The following LAMC1 variants were observed in gnomAD, a reference collection of about 807,000 sequenced individuals.
LAMC1 encodes the protein laminin subunit gamma-1.
LAMC1 carries 38 observed loss-of-function variants against 173.6 expected under a neutral mutation model. That is an observed-to-expected ratio of 0.22 (90% CI 0.17 to 0.29). The LOEUF (loss-of-function observed/expected upper bound fraction) is 0.29. LAMC1 is among the 10% of genes least tolerant of loss of function. LAMC1 has a pLI of 1.00. For synonymous variants in LAMC1, 746 were observed against 749.1 expected (o/e 1.00, Z 0.07); for missense variants, 1,824 against 2,051.8 (o/e 0.89, Z 2.14).
Position 183,115,657 on chromosome 1 carries a change from A to G in LAMC1, c.1328+20A>G. 6.7e-7 allele frequency: 1 copy of G among 1,487,554 alleles called. No individual in the cohort carries two copies. Among genetic ancestry groups the G allele is most frequent in the Non-Finnish European group, 9.4e-7 (1 of 1,064,334 alleles). 92.1% of individuals were successfully genotyped at this position (1,487,554 alleles called of 1,614,324 possible). On this transcript the variant is annotated intron_variant, in intron 6 of 27. Transcript: ENST00000258341. ...ATGCAGGTAAAATATTTTCAAAGCC[A>G]GAAGAAGGGGGCAGAATCTATATAT...
chr1:183,125,272 A>T, intron 14 of LAMC1, 125 bp from the exon 15 acceptor site: 3 of 875,582 alleles, frequency 3.4e-6, no homozygotes, highest in Non-Finnish European at 5.4e-6. Flanking sequence ...AGTGCTCAGT[A>T]GCCACATGTG....
intron 17 of LAMC1, among the ~76,000 whole-genome samples, chr1:183,127,795 G>T (rs553223733): frequency 4.6e-5 from 7 of 152,224 alleles, no homozygotes; most frequent in Admixed American, 2.6e-4. Context: ...GAGTGCAGAG[G>T]GTGTGTTCTG....
At position 183,130,493 on chromosome 1, in the gene LAMC1, T is replaced by C. The variant is rs752707197; in HGVS notation, c.3430T>C (p.Leu1144=). 3.1e-6 allele frequency: 5 copies of C among 1,614,162 alleles called. No individual in the cohort carries two copies. The highest frequency in any genetic ancestry group is 1.6e-4 in the Middle Eastern group (1 of 6,062). Residue 1144 remains leucine, a synonymous_variant, in exon 19 of 28, where the codon TTG becomes CTG. Coordinates refer to ENST00000258341, the MANE Select transcript of LAMC1 (RefSeq NM_002293.4). ...ARAHVENTER[L]IEIASRELEK... is the part of the protein sequence containing the mutation. Reference sequence around the variant, plus strand: ...TGCCCATGTAGAGAACACAGAGCGGTTGATTGAAATCGCATCCAGAGAACT... The same window carrying C: ...TGCCCATGTAGAGAACACAGAGCGGCTGATTGAAATCGCATCCAGAGAACT...
intron 1 of LAMC1, among the ~76,000 whole-genome samples, chr1:183,030,278 G>A (rs563924433): frequency 6.6e-6 from 1 of 152,302 alleles, no homozygotes; most frequent in Non-Finnish European, 1.5e-5. Flanking sequence ...TCATAGCACA[G>A]GTTTGTTGAC....
rs372724598 is a variant in LAMC1, at chr1:183,117,703, C to T, written c.1857C>T (p.Thr619=). 88 of 1,613,770 alleles carry T rather than the reference C, an allele frequency of 5.5e-5. No individual in the cohort carries two copies. The highest frequency in any genetic ancestry group is 7.3e-5 in the Non-Finnish European group (86 of 1,179,886). Residue 619 remains threonine (T), a synonymous_variant, in exon 10 of 28, where the codon ACC becomes ACT. Transcript: ENST00000258341. ...AGGGCAATTCCTATCCAAGTGAGAC[C>T]ACTGTGAAGTATGTCTTCAGGTAAG... ...IAQGNSYPSE[T]TVKYVFRLHE... is the part of the protein sequence containing the mutation.
intron 21 of LAMC1, 50 bp from the exon 22 acceptor site, chr1:183,133,356 A>G: frequency 6.5e-7 from 1 of 1,527,472 alleles, no homozygotes; most frequent in Non-Finnish European, 9.0e-7. Context: ...TAACATTAAG[A>G]TGCTAAAAGC....
Position 183,054,829 on chromosome 1 carries a change from T to G in LAMC1, c.418+30695T>G, listed in dbSNP as rs1043616346. Among the ~76,000 whole-genome samples, 4 of 152,118 alleles carry G rather than the reference T, an allele frequency of 2.6e-5. No individual in the cohort carries two copies. The South Asian group carries it at 8.3e-4, about 32-fold the overall frequency. ...CTAGGACCACAGCCACCTTAGAGCC[T>G]TAGGGGCTTTTCCCACTTGACCCCT... On this transcript the variant is annotated intron_variant, in intron 1 of 27. Coordinates refer to ENST00000258341, the MANE Select transcript of LAMC1 (RefSeq NM_002293.4).
At chr1:183,124,514 C>CT in intron 13 of LAMC1, 117 bp from the exon 14 acceptor site, 2 of 1,297,648 alleles carry the variant, frequency 1.5e-6, no homozygotes, top group Non-Finnish European at 2.2e-6. Flanking sequence ...CTGCCCTCCA[C>CT]TGCACCATGT....
intron 1 of LAMC1, among the ~76,000 whole-genome samples, chr1:183,094,457 T>G (rs553993462): frequency 6.6e-6 from 1 of 152,344 alleles, no homozygotes; most frequent in South Asian, 2.1e-4. Context: ...GCATGCTCCC[T>G]ACTTTTACTG....
intron 1 of LAMC1, among the ~76,000 whole-genome samples, chr1:183,103,016 C>T (rs1655873589): frequency 6.6e-6 from 1 of 152,136 alleles, no homozygotes; most frequent in Admixed American, 6.5e-5. Context: ...AATAAACGTA[C>T]TTTTTATTCA....
Position 183,100,306 on chromosome 1 carries a change from T to A in LAMC1, c.419-3022T>A, listed in dbSNP as rs562077963. On this transcript the variant is annotated intron_variant, in intron 1 of 27. Coordinates refer to ENST00000258341, the MANE Select transcript of LAMC1 (RefSeq NM_002293.4). ...CCAACCTAATCTCCACACTGATCTT[T>A]CTAAAAAATCAAACCTGATCATGTA... Among the ~76,000 whole-genome samples, 4 of 152,304 alleles carry A rather than the reference T, an allele frequency of 2.6e-5. No individual in the cohort carries two copies. In the East Asian group the frequency reaches 7.7e-4, roughly 29 times the overall value.
At position 183,132,479 on chromosome 1, in the gene LAMC1, C is replaced by T. The variant is rs936661048; in HGVS notation, c.3646C>T (p.Leu1216=). 6.2e-7 allele frequency: 1 copy of T among 1,613,302 alleles called. No individual in the cohort carries two copies. The highest frequency in any genetic ancestry group is 1.3e-5 in the African/African-American group (1 of 74,868). The part of the protein sequence containing the change: ...DTSTEAYNLL[L]RTLAGENQTA... The stretch of plus-strand genomic sequence containing the variant: ...GTCAACTGAGGCATACAACCTGCTT[C>T]TGAGGACACTGGCAGGAGAAAATCA... The change falls in exon 21 of 28, where the codon CTG becomes TTG. Residue 1216 remains leucine, a synonymous_variant. Coordinates refer to ENST00000258341, the MANE Select transcript of LAMC1 (RefSeq NM_002293.4).
intron 1 of LAMC1, among the ~76,000 whole-genome samples, chr1:183,079,142 C>T (rs1655195047): frequency 6.7e-6 from 1 of 149,802 alleles, no homozygotes; most frequent in Non-Finnish European, 1.5e-5. Flanking sequence ...GGCAGTTTGC[C>T]ATAATTTGAT....
intron 1 of LAMC1, among the ~76,000 whole-genome samples, chr1:183,050,318 C>T (rs1654383617): frequency 7.4e-6 from 1 of 135,736 alleles, no homozygotes; most frequent in African/African-American, 2.8e-5. Flanking sequence ...GAGTCTCACT[C>T]TCGCCCAGGC....
intron 1 of LAMC1, among the ~76,000 whole-genome samples, 178 bp from the exon 2 acceptor site, chr1:183,103,150 C>T (rs958807736): frequency 6.6e-6 from 1 of 152,138 alleles, no homozygotes; most frequent in Non-Finnish European, 1.5e-5. Context: ...GACCCAACTG[C>T]AGTTTGTCAT....
intron 25 of LAMC1, among the ~76,000 whole-genome samples, chr1:183,136,810 A>G (rs79634416): frequency 1.3e-5 from 2 of 151,824 alleles, no homozygotes; most frequent in South Asian, 2.1e-4. Context: ...TAAAATTTCT[A>G]CTATGTCTCA....
intron 11 of LAMC1, among the ~76,000 whole-genome samples, chr1:183,120,478 A>G (rs888828546): frequency 2.0e-5 from 3 of 152,180 alleles, no homozygotes; most frequent in Non-Finnish European, 4.4e-5. Flanking sequence ...GTAGTAATGG[A>G]GGTGTCCTTC....
chr1:183,136,635 C>A, intron 25 of LAMC1, 50 bp downstream of exon 25: 2 of 1,474,486 alleles, frequency 1.4e-6, no homozygotes, highest in South Asian at 1.2e-5. Context: ...TTTCTCTGGT[C>A]ACTTTCCAGT....
At chr1:183,114,929 G>C (rs1240306295) in intron 5 of LAMC1, among the ~76,000 whole-genome samples, 3 of 152,152 alleles carry the variant, frequency 2.0e-5, no homozygotes, top group Non-Finnish European at 4.4e-5. Context: ...TGTGTAAGAG[G>C]GGGGTGGTGG....
Sources: gnomAD v4.1 joint callset for allele counts (sites outside exome capture counted in the v4.1 genomes callset) on GRCh38, gnomAD v4.1.1 for gene constraint, MANE v1.5 for transcripts, NCBI Gene and HGNC (gene_info 2026-07-23, HGNC 2026-07-21) for gene names.